Variants in FAM200B observed in about 807,000 individuals in gnomAD.
FAM200B encodes the protein protein FAM200B.
Under a neutral mutation model 33.1 loss-of-function variants are expected in FAM200B, and 32 were observed. That is an observed-to-expected ratio of 0.97 (90% CI 0.73 to 1.30). The LOEUF is 1.30. FAM200B is among the 50% of genes most tolerant of loss of function. The pLI, the probability that FAM200B is intolerant of heterozygous loss-of-function variation, is 0.00. For missense variants in FAM200B, 741 were observed against 754.0 expected, an observed-to-expected ratio of 0.98 and a Z score of 0.20; for synonymous variants, 240 against 264.8, an observed-to-expected ratio of 0.91 and a Z score of 0.91.
At chr4:15,671,425 T>C in the FAM200B span, among the ~76,000 whole-genome samples, 1 of 151,978 alleles carries the variant, frequency 6.6e-6, no homozygotes, top group African/African-American at 2.4e-5. Context: ...ACAATTTGAT[T>C]ATGGTGTACT....
the FAM200B span, among the ~76,000 whole-genome samples, chr4:15,670,097 G>GT: frequency 1.3e-5 from 2 of 152,312 alleles, no homozygotes; most frequent in Non-Finnish European, 2.9e-5. Context: ...TTGCATGTGT[G>GT]TATCAACAGT....
At chr4:15,648,135 G>A in the FAM200B span, among the ~76,000 whole-genome samples, 1 of 152,226 alleles carries the variant, frequency 6.6e-6, no homozygotes, top group Middle Eastern at 3.4e-3. Context: ...GAGATTATAG[G>A]CACAAGCCAC....
chr4:15,639,886 C>T, the FAM200B span, among the ~76,000 whole-genome samples: 1 of 152,226 alleles, frequency 6.6e-6, no homozygotes, highest in Non-Finnish European at 1.5e-5. Flanking sequence ...AACTGATTTA[C>T]AGCTGAACAG....
At chr4:15,679,944 T>A (rs1415781264), upstream of FAM200B, among the ~76,000 whole-genome samples, 1 of 152,232 alleles carries the variant, frequency 6.6e-6, no homozygotes, top group Non-Finnish European at 1.5e-5. Flanking sequence ...TGACATGTAT[T>A]CACTGAAGAG....
upstream of FAM200B, among the ~76,000 whole-genome samples, chr4:15,676,848 T>C (rs909181183): frequency 9.9e-5 from 15 of 152,194 alleles, no homozygotes; most frequent in African/African-American, 3.6e-4. Context: ...TTACCTAATA[T>C]ATCACTAGTC....
chr4:15,686,683 G>A lies in FAM200B; in HGVS notation c.-295G>A, dbSNP rs1718875296. 5.3e-6 allele frequency: 1 copy of A among 189,478 alleles called. No individual in the cohort carries two copies. The highest frequency in any genetic ancestry group is 1.1e-5 in the Non-Finnish European group (1 of 93,004). 11.7% of individuals were successfully genotyped at this position (189,478 alleles called of 1,614,324 possible). On this transcript the variant is annotated 5_prime_UTR_variant, in exon 2 of 2. Transcript: ENST00000422728. ...AGGTCAATTTCAATATGCGAGAGGG[G>A]TATTTGATGGAGGAGATATGATGAA...
the FAM200B span, chr4:15,644,825 T>C: frequency 1.5e-6 from 1 of 671,634 alleles, no homozygotes; most frequent in South Asian, 2.1e-5. Flanking sequence ...TTACACTTGG[T>C]TAAAGTACAA....
intron 1 of FAM200B, among the ~76,000 whole-genome samples, chr4:15,683,956 C>G (rs957621363): frequency 1.3e-5 from 2 of 152,192 alleles, no homozygotes; most frequent in African/African-American, 4.8e-5. Context: ...AGTGGAAAAT[C>G]ACTTACCTAA....
the FAM200B span, among the ~76,000 whole-genome samples, chr4:15,657,590 G>T: frequency 6.6e-6 from 1 of 152,190 alleles, no homozygotes; most frequent in East Asian, 1.9e-4. Context: ...AGCCACTTTG[G>T]ACACTGGCCA....
chr4:15,644,493 C>G, the FAM200B span: 8 of 1,605,308 alleles, frequency 5.0e-6, no homozygotes, highest in Non-Finnish European at 6.8e-6. Context: ...TGCAACTTAC[C>G]TTAACATTCT....
chr4:15,684,568 TTATA>T (rs1055195588), intron 1 of FAM200B: 2 of 152,220 alleles, frequency 1.3e-5, no homozygotes, highest in African/African-American at 4.8e-5. Flanking sequence ...GTTAGCATCC[TTATA>T]TGAACTTTTA....
At chr4:15,649,526 G>A in the FAM200B span, among the ~76,000 whole-genome samples, 1 of 140,442 alleles carries the variant, frequency 7.1e-6, no homozygotes, top group Admixed American at 7.8e-5. Context: ...GTTGCAGTGA[G>A]CCAAGATCAC....
At chr4:15,658,922 A>G in the FAM200B span, among the ~76,000 whole-genome samples, 1 of 152,178 alleles carries the variant, frequency 6.6e-6, no homozygotes, top group Admixed American at 6.5e-5. Context: ...GACACCCAAT[A>G]TGCAGCAGGA....
At chr4:15,638,380 A>G in the FAM200B span, 1 of 497,304 alleles carries the variant, frequency 2.0e-6, no homozygotes, top group Middle Eastern at 4.5e-4. Context: ...ACATGAAAAT[A>G]ATGCCTTTAA....
chr4:15,649,578 CAAAAAAAAA>C, the FAM200B span, among the ~76,000 whole-genome samples: 10 of 81,354 alleles, frequency 1.2e-4, no homozygotes, highest in Admixed American at 1.5e-4. Flanking sequence ...GACTACGTCT[CAAAAAAAAA>C]AAAAAAAAAA....
chr4:15,687,325 T>G lies in FAM200B; in HGVS notation c.348T>G (p.Asp116Glu). 2.6e-6 allele frequency: 4 copies of G among 1,546,254 alleles called. No homozygotes were observed. Among genetic ancestry groups the G allele is most frequent in the Non-Finnish European group, 3.5e-6 (4 of 1,144,086 alleles). Residue 116 changes from aspartate (D) to glutamate (E), a missense_variant, in exon 2 of 2, where the codon GAT becomes GAG. Coordinates refer to ENST00000422728, the MANE Select transcript of FAM200B (RefSeq NM_001145191.2). Reference sequence around the variant, plus strand: ...AAACTCAGCATGCTGAACTTATTGATAAGCCTCTTGAATATTTTCAAAGAA... The same window carrying G: ...AAACTCAGCATGCTGAACTTATTGAGAAGCCTCTTGAATATTTTCAAAGAA... The part of the protein sequence containing the change: ...HLETQHAELI[D>E]KPLEYFQRKK...
chr4:15,651,831 A>C, the FAM200B span, among the ~76,000 whole-genome samples: 1 of 152,184 alleles, frequency 6.6e-6, no homozygotes, highest in Non-Finnish European at 1.5e-5. Context: ...GTTTATATAT[A>C]AGCCTGGGAA....
At chr4:15,677,486 TA>T (rs1456585146), upstream of FAM200B, among the ~76,000 whole-genome samples, 1 of 152,190 alleles carries the variant, frequency 6.6e-6, no homozygotes, top group Admixed American at 6.5e-5. Flanking sequence ...ACTAGGTGTT[TA>T]CAGGATTAAA....
the FAM200B span, among the ~76,000 whole-genome samples, chr4:15,638,262 T>C: frequency 1.3e-5 from 2 of 152,210 alleles, no homozygotes; most frequent in African/African-American, 4.8e-5. Context: ...CATTCATATA[T>C]AAATTTATTC....
Sources: gnomAD v4.1 joint callset for allele counts (sites outside exome capture counted in the v4.1 genomes callset) on GRCh38, gnomAD v4.1.1 for gene constraint, MANE v1.5 for transcripts, NCBI Gene and HGNC (gene_info 2026-07-23, HGNC 2026-07-21) for gene names.